ANKS1B: variants seen among roughly 807,000 people sequenced by gnomAD.
The protein encoded by ANKS1B is ankyrin repeat and sterile alpha motif domain containing 1B, also known as ankyrin repeat and sterile alpha motif domain-containing protein 1B.
In ANKS1B, 36 loss-of-function variants were observed where a neutral mutation model predicts 148.3. The ratio of observed to expected loss-of-function variants is 0.24; its 90% CI spans 0.19 to 0.32. The LOEUF (loss-of-function observed/expected upper bound fraction) is 0.32. ANKS1B is among the 10% of genes least tolerant of loss of function. The pLI is 1.00. For missense variants in ANKS1B, 1,157 were observed against 1,542.6 expected, an observed-to-expected ratio of 0.75 and a Z score of 4.19; for synonymous variants, 542 against 560.8, an observed-to-expected ratio of 0.97 and a Z score of 0.47.
chr12:98,912,979 T>G (rs914217944), intron 17 of ANKS1B, among the ~76,000 whole-genome samples: 1 of 152,244 alleles, frequency 6.6e-6, no homozygotes, highest in South Asian at 2.1e-4. Context: ...TTTCTATTTT[T>G]ATTAGAATAC....
downstream of ANKS1B, among the ~76,000 whole-genome samples, chr12:98,739,081 G>A (rs2097786251): frequency 6.6e-6 from 1 of 152,188 alleles, no homozygotes; most frequent in African/African-American, 2.4e-5. Context: ...GCAAACAGAT[G>A]CAGAGAGGTT....
chr12:99,528,030 G>A (rs1183724041), intron 9 of ANKS1B, among the ~76,000 whole-genome samples: 1 of 151,914 alleles, frequency 6.6e-6, no homozygotes, highest in African/African-American at 2.4e-5. Flanking sequence ...TAGACACATA[G>A]ACAAGCAGAA....
intron 1 of ANKS1B, among the ~76,000 whole-genome samples, chr12:99,936,661 T>C (rs554057094): frequency 6.6e-6 from 1 of 152,302 alleles, no homozygotes; most frequent in South Asian, 2.1e-4. Context: ...TTTGCTGTAC[T>C]CTTGGCTGCC....
chr12:99,892,549 C>T (rs1311771772), intron 1 of ANKS1B, among the ~76,000 whole-genome samples: 2 of 152,126 alleles, frequency 1.3e-5, no homozygotes, highest in Admixed American at 1.3e-4. Flanking sequence ...AAGAAAACAA[C>T]CTGATTTACA....
intron 8 of ANKS1B, among the ~76,000 whole-genome samples, chr12:99,755,807 C>G (rs1048808525): frequency 5.9e-5 from 9 of 151,978 alleles, no homozygotes; most frequent in East Asian, 1.9e-4. Flanking sequence ...ATTCAACATC[C>G]ATTCATGTTA....
At chr12:99,638,784 A>T (rs1946678448) in intron 9 of ANKS1B, among the ~76,000 whole-genome samples, 1 of 152,174 alleles carries the variant, frequency 6.6e-6, no homozygotes, top group Non-Finnish European at 1.5e-5. Flanking sequence ...CCTGAGACCT[A>T]GGAGGGAAAA....
At chr12:99,053,515 A>G (rs1341459981) in intron 16 of ANKS1B, among the ~76,000 whole-genome samples, 1 of 152,238 alleles carries the variant, frequency 6.6e-6, no homozygotes, top group Non-Finnish European at 1.5e-5. Context: ...CAAAATATAC[A>G]CAGAAATTTC....
chr12:99,163,248 A>T (rs933446180), intron 14 of ANKS1B, among the ~76,000 whole-genome samples: 3 of 152,096 alleles, frequency 2.0e-5, no homozygotes, highest in African/African-American at 7.2e-5. Context: ...TGCCTGATAT[A>T]CATCCTTTTA....
intron 8 of ANKS1B, 73 bp downstream of exon 8, chr12:99,772,849 C>T: frequency 7.0e-7 from 1 of 1,419,402 alleles, no homozygotes; most frequent in African/African-American, 1.4e-5. Flanking sequence ...CACCACATCC[C>T]ATACCTCTTA....
At chr12:99,813,698 AG>A (rs929129482) in intron 2 of ANKS1B, among the ~76,000 whole-genome samples, 174 of 151,880 alleles carry the variant, frequency 1.1e-3, no homozygotes, top group African/African-American at 4.1e-3. Flanking sequence ...TAAAAAAACA[AG>A]AATATGTTGT....
chr12:98,815,425 A>T (rs1257997194), intron 19 of ANKS1B, among the ~76,000 whole-genome samples: 1 of 152,010 alleles, frequency 6.6e-6, no homozygotes, highest in Non-Finnish European at 1.5e-5. Flanking sequence ...GCATCCCTGG[A>T]GTGTTAGTCC....
At chr12:99,901,720 A>G (rs1419074911) in intron 1 of ANKS1B, among the ~76,000 whole-genome samples, 1 of 152,170 alleles carries the variant, frequency 6.6e-6, no homozygotes, top group African/African-American at 2.4e-5. Context: ...AGTGCTTTCT[A>G]CTACATTATG....
rs543432667 is a variant in ANKS1B, at chr12:99,782,267, C to T, written c.670-170G>A. Among the ~76,000 whole-genome samples, 94 of 152,290 alleles carry T rather than the reference C, an allele frequency of 6.2e-4. 1 individual carries two copies. The highest frequency in any genetic ancestry group is 1.2e-3 in the Non-Finnish European group (81 of 68,018). On this transcript the variant is annotated intron_variant, in intron 4 of 26. Transcript: ENST00000683438. ...AAGAGATTCTAAAAGCAAAATCCAT[C>T]GGCTTGGGGATTGTAAAATACCTCT...
chr12:99,589,016 A>C (rs1447244655), intron 9 of ANKS1B, among the ~76,000 whole-genome samples: 1 of 152,178 alleles, frequency 6.6e-6, no homozygotes. Flanking sequence ...ACACACTACA[A>C]ACACTTCAAA....
At chr12:99,596,885 C>T (rs192619870) in intron 9 of ANKS1B, among the ~76,000 whole-genome samples, 4 of 151,818 alleles carry the variant, frequency 2.6e-5, no homozygotes, top group Admixed American at 2.0e-4. Flanking sequence ...AGTGCAGGAC[C>T]GAGGAGACCA....
chr12:99,017,510 G>A (rs1232185439), intron 17 of ANKS1B, among the ~76,000 whole-genome samples: 2 of 152,046 alleles, frequency 1.3e-5, no homozygotes, highest in Non-Finnish European at 2.9e-5. Context: ...ATGTTTTCCA[G>A]ACTGATCCTA....
chr12:99,849,319 T>G (rs2087281632), intron 1 of ANKS1B, among the ~76,000 whole-genome samples: 1 of 152,092 alleles, frequency 6.6e-6, no homozygotes, highest in South Asian at 2.1e-4. Context: ...CTTCCTTAGT[T>G]GTCAGGAAAA....
chr12:99,895,432 T>TA (rs36050323), intron 1 of ANKS1B, among the ~76,000 whole-genome samples: 1 of 150,702 alleles, frequency 6.6e-6, no homozygotes, highest in Non-Finnish European at 1.5e-5. Flanking sequence ...AACCCGTGTG[T>TA]GTGTGTGTGT....
At chr12:99,627,269 G>A (rs545264076) in intron 9 of ANKS1B, among the ~76,000 whole-genome samples, 34 of 152,118 alleles carry the variant, frequency 2.2e-4, no homozygotes, top group Admixed American at 3.9e-4. Flanking sequence ...TTATTAATGG[G>A]TTATTAGTCA....
Sources: gnomAD v4.1 joint callset for allele counts (sites outside exome capture counted in the v4.1 genomes callset) on GRCh38, gnomAD v4.1.1 for gene constraint, MANE v1.5 for transcripts, NCBI Gene and HGNC (gene_info 2026-07-23, HGNC 2026-07-21) for gene names.